Variants in GRN observed in about 807,000 individuals in gnomAD.
GRN encodes the protein progranulin.
Under a neutral mutation model 66.7 loss-of-function variants are expected in GRN, and 30 were observed. The observed-to-expected ratio is 0.45, with a 90% CI of 0.34 to 0.61. The LOEUF (loss-of-function observed/expected upper bound fraction) is 0.61. Among genes scored for constraint, GRN ranks in the 20% least tolerant of loss-of-function variants. The probability of loss-of-function intolerance (pLI) is 0.01; values close to 1 mark genes in which losing one functional copy is unlikely to be tolerated. For synonymous variants in GRN, 327 were observed against 311.1 expected (o/e 1.05, Z -0.54); for missense variants, 731 against 803.5 (o/e 0.91, Z 1.09).
chr17:44,349,929 G>A (rs140644225), intron 4 of GRN, 178 bp downstream of exon 4: 1 of 646,982 alleles, frequency 1.5e-6, no homozygotes, highest in East Asian at 2.7e-5. Context: ...ATAGGAGGGT[G>A]CGGGAGAAAG....
At chr17:44,345,939 G>C (rs1469262802) in intron 1 of GRN, 1 of 152,256 alleles carries the variant, frequency 6.6e-6, no homozygotes, top group Non-Finnish European at 1.5e-5. Context: ...GGAAGATAAC[G>C]GAGCTAGGGT....
Position 44,352,646 on chromosome 17 carries a change from CCT to C in GRN, c.1645-12_1645-11del. 2 of 1,610,116 alleles carry C rather than the reference CCT, an allele frequency of 1.2e-6. No individual in the cohort carries two copies. Among genetic ancestry groups the C allele is most frequent in the Non-Finnish European group, 8.5e-7 (1 of 1,180,014 alleles). On this transcript the variant is annotated splice_polypyrimidine_tract_variant and intron_variant, in intron 12 of 12. Coordinates refer to ENST00000053867, the MANE Select transcript of GRN (RefSeq NM_002087.4). ...CCACCTCGTCCAACCCTCTCGCCCC[CCT>C]CTGACCATCCAGGGCGTCTGTTGTG... is the stretch of plus-strand genomic sequence containing the variant.
intron 7 of GRN, 97 bp from the exon 8 acceptor site, chr17:44,350,939 CT>C (rs1419604927): frequency 6.8e-6 from 10 of 1,462,432 alleles, no homozygotes; most frequent in Non-Finnish European, 9.5e-6. Context: ...ATGCTACCCC[CT>C]AGTGGGGGAT....
In GRN at chr17:44,349,173, C is replaced by T; in HGVS notation, c.9C>T (p.Thr3=). 1 of 1,614,104 alleles carries T rather than the reference C, an allele frequency of 6.2e-7. No homozygotes were observed. Among genetic ancestry groups the T allele is most frequent in the Non-Finnish European group, 8.5e-7 (1 of 1,180,018 alleles). The change falls in exon 2 of 13, where the codon ACC becomes ACT. Residue 3 remains threonine, a synonymous_variant. Coordinates refer to ENST00000053867, the MANE Select transcript of GRN (RefSeq NM_002087.4). ...TACTTTGCAGGCAGACCATGTGGACCCTGGTGAGCTGGGTGGCCTTAACAG... is the reference window on the plus strand; with the variant it reads ...TACTTTGCAGGCAGACCATGTGGACTCTGGTGAGCTGGGTGGCCTTAACAG... MW[T]LVSWVALTAG...
chr17:44,352,828 G>T lies in GRN; in HGVS notation c.*30G>T. ...CAGTACTGAAGACTCTGCAGCCCTCGGGACCCCACTCGGAGGGTGCCCTCT... is the reference window on the plus strand; with the variant it reads ...CAGTACTGAAGACTCTGCAGCCCTCTGGACCCCACTCGGAGGGTGCCCTCT... On this transcript the variant is annotated 3_prime_UTR_variant, in exon 13 of 13. Coordinates refer to ENST00000053867, the MANE Select transcript of GRN (RefSeq NM_002087.4). The T allele has an allele frequency of 6.2e-7, 1 of 1,605,694 alleles. No homozygotes were observed.
Position 44,353,008 on chromosome 17 carries a change from C to A in GRN, c.*210C>A. 3.2e-6 allele frequency: 2 copies of A among 616,426 alleles called. No homozygotes were observed. The highest frequency in any genetic ancestry group is 3.8e-5 in the South Asian group (2 of 52,394). 38.2% of individuals were successfully genotyped at this position (616,426 alleles called of 1,614,324 possible). On this transcript the variant is annotated 3_prime_UTR_variant, in exon 13 of 13. Coordinates refer to ENST00000053867, the MANE Select transcript of GRN (RefSeq NM_002087.4). The stretch of plus-strand genomic sequence containing the variant: ...ACATTACAAGCTGCCATCCCCTCCC[C>A]GTTTCAGTGGACCCTGTGGCCAGGT...
rs63751085 is a variant in GRN, at chr17:44,350,766, CCA to C, written c.675_676del (p.Ser226TrpfsTer28). On this transcript the variant is annotated frameshift_variant, in exon 7 of 13. Transcript: ENST00000053867. LOFTEE classifies it high-confidence loss of function. ...GATGGTTCTACCTGCTGTGAGCTGC[CCA>C]GTGGGAAGTATGGCTGCTGCCCAAT... 6.2e-7 allele frequency: 1 copy of C among 1,613,742 alleles called. No individual in the cohort carries two copies. The highest frequency in any genetic ancestry group is 8.5e-7 in the Non-Finnish European group (1 of 1,179,652).
chr17:44,352,368 T>G lies in GRN; in HGVS notation c.1441T>G (p.Cys481Gly). ...TGTGTGCTGCGAGGATCGCCAGCAC[T>G]GCTGCCCGGCTGGCTACACCTGCAA... ...HAVCCEDRQH[C>G]CPAGYTCNVK... Residue 481 changes from cysteine (C) to glycine (G), a missense_variant, in exon 12 of 13, where the codon TGC (cysteine) becomes GGC (glycine). Cys to Gly is a radical substitution (Grantham distance 159, BLOSUM62 -3). Coordinates refer to ENST00000053867, the MANE Select transcript of GRN (RefSeq NM_002087.4). 6.2e-7 allele frequency: 1 copy of G among 1,613,694 alleles called. No individual in the cohort carries two copies. The highest frequency in any genetic ancestry group is 8.5e-7 in the Non-Finnish European group (1 of 1,179,976).
At chr17:44,351,956 C>T in intron 10 of GRN, 59 bp from the exon 11 acceptor site, 2 of 1,491,144 alleles carry the variant, frequency 1.3e-6, no homozygotes, top group Admixed American at 1.7e-5. Context: ...TAGGTAGGGG[C>T]TCGGCACTGC....
chr17:44,347,812 C>T lies in GRN; in HGVS notation c.-7-1346C>T, dbSNP rs200792912. ...GCTAAAAATACAAAAATTAGCCAGG[C>T]GTGGTGGCGAGCGCCTGTAGTCCCA... On this transcript the variant is annotated intron_variant, in intron 1 of 12. Coordinates refer to ENST00000053867, the MANE Select transcript of GRN (RefSeq NM_002087.4). 4.0e-5 allele frequency among the ~76,000 whole-genome samples: 6 copies of T among 150,784 alleles called. No individual in the cohort carries two copies. The South Asian group carries it at 6.4e-4, about 16-fold the overall frequency.
intron 1 of GRN, among the ~76,000 whole-genome samples, chr17:44,346,675 A>G (rs1014312782): frequency 6.6e-6 from 1 of 152,172 alleles, no homozygotes. Context: ...GACGTGTTAT[A>G]GGTGTCCCTT....
intron 4 of GRN, chr17:44,349,982 C>G (rs1385244571): frequency 7.8e-6 from 5 of 638,182 alleles, no homozygotes; most frequent in Non-Finnish European, 1.4e-5. Context: ...GGGGAGAGGT[C>G]GAGCTGGGCC....
chr17:44,352,073 A>C lies in GRN; in HGVS notation c.1238A>C (p.Glu413Ala), dbSNP rs1443720440. 1.9e-6 allele frequency: 3 copies of C among 1,613,790 alleles called. No homozygotes were observed. In the East Asian group the frequency reaches 6.7e-5, roughly 36 times the overall value. The change falls in exon 11 of 13, where the codon GAG (glutamate) becomes GCG (alanine). Residue 413 changes from glutamate (E) to alanine (A), a missense_variant. Coordinates refer to ENST00000053867, the MANE Select transcript of GRN (RefSeq NM_002087.4). The stretch of plus-strand genomic sequence containing the variant: ...CCCCAGGGCTACACGTGTGTAGCTG[A>C]GGGGCAGTGTCAGCGAGGAAGCGAG... ...CCPQGYTCVAEGQCQRGSEIV... is the reference protein window; with the variant it reads ...CCPQGYTCVAAGQCQRGSEIV...
chr17:44,349,414 C>CT lies in GRN; in HGVS notation c.139-11dup. ...ACAAGTCTGTGGTTTATCATTTTCC[C>CT]TGTCTTTCTAGGACAAATGGCCCAC... On this transcript the variant is annotated splice_polypyrimidine_tract_variant and intron_variant, in intron 2 of 12. Transcript: ENST00000053867. The CT allele has an allele frequency of 6.2e-7, 1 of 1,614,254 alleles. No individual in the cohort carries two copies.
In GRN at chr17:44,352,646, C is replaced by A. The variant is rs1292365225; in HGVS notation, c.1645-15C>A. On this transcript the variant is annotated splice_polypyrimidine_tract_variant and intron_variant, in intron 12 of 12. Transcript: ENST00000053867. ...CCACCTCGTCCAACCCTCTCGCCCC[C>A]CTCTGACCATCCAGGGCGTCTGTTG... 1.9e-6 allele frequency: 3 copies of A among 1,610,116 alleles called. No individual in the cohort carries two copies. The highest frequency in any genetic ancestry group is 1.7e-5 in the Admixed American group (1 of 60,028).
chr17:44,348,286 C>T (rs1335673798), intron 1 of GRN, among the ~76,000 whole-genome samples: 1 of 152,202 alleles, frequency 6.6e-6, no homozygotes, highest in Non-Finnish European at 1.5e-5. Flanking sequence ...AAGTGAGAGG[C>T]TGCTCTCCAC....
In GRN at chr17:44,352,966, G is replaced by A; in HGVS notation, c.*168G>A. 1 of 689,298 alleles carries A rather than the reference G, an allele frequency of 1.5e-6. No individual in the cohort carries two copies. The highest frequency in any genetic ancestry group is 1.7e-5 in the South Asian group (1 of 58,704). The allele number at this position is 689,298 out of a possible 1,614,324, so 42.7% of individuals were successfully genotyped here. ...ATCTAAGGCCTTCCCTGTCAGAAGG[G>A]GGTTGTGGCAAAAGCCACATTACAA... On this transcript the variant is annotated 3_prime_UTR_variant, in exon 13 of 13. Transcript: ENST00000053867.
intron 3 of GRN, 45 bp from the exon 4 acceptor site, chr17:44,349,622 C>G (rs765358035): frequency 8.6e-5 from 138 of 1,609,958 alleles, no homozygotes; most frequent in Non-Finnish European, 1.2e-4. Context: ...CTACCACCTG[C>G]AGATAAAAGG....
In GRN at chr17:44,349,437, C is replaced by T. The variant is rs911519164; in HGVS notation, c.150C>T (p.Pro50=). 1.9e-6 allele frequency: 3 copies of T among 1,614,090 alleles called. No homozygotes were observed. The highest frequency in any genetic ancestry group is 2.5e-6 in the Non-Finnish European group (3 of 1,180,034). Residue 50 remains proline, a synonymous_variant, in exon 3 of 13, where the codon CCC becomes CCT. Coordinates refer to ENST00000053867, the MANE Select transcript of GRN (RefSeq NM_002087.4). ...SCCRPLLDKW[P]TTLSRHLGGP... ...CCCTGTCTTTCTAGGACAAATGGCC[C>T]ACAACACTGAGCAGGCATCTGGGTG...
Sources: gnomAD v4.1 joint callset for allele counts (sites outside exome capture counted in the v4.1 genomes callset) on GRCh38, gnomAD v4.1.1 for gene constraint, MANE v1.5 for transcripts, NCBI Gene and HGNC (gene_info 2026-07-23, HGNC 2026-07-21) for gene names.